CAMTA1: variants seen among roughly 807,000 people sequenced by gnomAD.
The protein encoded by CAMTA1 is calmodulin binding transcription activator 1.
In CAMTA1, 27 loss-of-function variants were observed where a neutral mutation model predicts 170.9. That is an observed-to-expected ratio of 0.16 (90% CI 0.12 to 0.22). The LOEUF is 0.22. Among genes scored for constraint, CAMTA1 ranks in the 10% least tolerant of loss-of-function variants. The probability of loss-of-function intolerance (pLI) is 1.00; values close to 1 mark genes in which losing one functional copy is unlikely to be tolerated. For missense variants in CAMTA1, 1,619 were observed against 2,217.2 expected, an observed-to-expected ratio of 0.73 and a Z score of 5.42; for synonymous variants, 833 against 891.5, an observed-to-expected ratio of 0.93 and a Z score of 1.17.
chr1:6,983,326 C>G (rs890282353), intron 3 of CAMTA1, among the ~76,000 whole-genome samples: 4 of 152,188 alleles, frequency 2.6e-5, no homozygotes, highest in Non-Finnish European at 4.4e-5. Context: ...CTTCCCTCCA[C>G]TACGTTCCAG....
chr1:7,404,342 TCCAACAC>T (rs2090135061), intron 5 of CAMTA1, among the ~76,000 whole-genome samples: 1 of 152,216 alleles, frequency 6.6e-6, no homozygotes, highest in African/African-American at 2.4e-5. Flanking sequence ...AAAAGCCTCC[TCCAACAC>T]CCAACACCCT....
intron 5 of CAMTA1, among the ~76,000 whole-genome samples, chr1:7,270,606 A>G (rs1669660810): frequency 6.6e-6 from 1 of 152,156 alleles, no homozygotes; most frequent in African/African-American, 2.4e-5. Flanking sequence ...TACAAGATAT[A>G]TTAAAGGAAG....
rs1394842036 is a variant in CAMTA1, at chr1:7,144,361, C to A, written c.302+52990C>A. 6.6e-6 allele frequency among the ~76,000 whole-genome samples: 1 copy of A among 152,140 alleles called. No homozygotes were observed. The highest frequency in any genetic ancestry group is 1.5e-5 in the Non-Finnish European group (1 of 68,028). On this transcript the variant is annotated intron_variant, in intron 4 of 22. Transcript: ENST00000303635. The surrounding 1 kb of genome is among the most constrained non-coding windows in gnomAD (Gnocchi z 4.0). ...TCTTTTCGTTCTAAGGCCACCAATT[C>A]TATTGGATACAGACCCTATCTGACC...
intron 6 of CAMTA1, among the ~76,000 whole-genome samples, chr1:7,622,084 C>G (rs2095602603): frequency 6.6e-6 from 1 of 152,122 alleles, no homozygotes; most frequent in South Asian, 2.1e-4. Context: ...TGTTCATGAC[C>G]CTGGAGGTAT....
intron 16 of CAMTA1, 65 bp from the exon 17 acceptor site, chr1:7,744,770 G>T: frequency 7.0e-7 from 1 of 1,431,670 alleles, no homozygotes; most frequent in Non-Finnish European, 9.6e-7. Flanking sequence ...GAGGCAGGGA[G>T]GTAGACCTGG....
intron 5 of CAMTA1, among the ~76,000 whole-genome samples, chr1:7,366,693 CAT>C (rs2085993705): frequency 6.6e-6 from 1 of 152,236 alleles, no homozygotes; most frequent in Admixed American, 6.5e-5. Context: ...CCTCGGTGCA[CAT>C]GTCTGAAGTG....
intron 7 of CAMTA1, among the ~76,000 whole-genome samples, chr1:7,655,467 A>G (rs2095890419): frequency 1.6e-5 from 2 of 125,268 alleles, no homozygotes; most frequent in African/African-American, 3.4e-5. Flanking sequence ...ACACAAACAC[A>G]CCCACCTATA....
chr1:6,992,382 C>A (rs1271405634), intron 3 of CAMTA1, among the ~76,000 whole-genome samples: 1 of 152,178 alleles, frequency 6.6e-6, no homozygotes, highest in South Asian at 2.1e-4. Context: ...TGAAGTTTAT[C>A]ACTTTTTTCC....
At chr1:6,845,363 C>T (rs535122463) in intron 3 of CAMTA1, among the ~76,000 whole-genome samples, 17 of 152,296 alleles carry the variant, frequency 1.1e-4, no homozygotes, top group Admixed American at 8.5e-4. Flanking sequence ...CTAACTACCT[C>T]GGCCCTCAGG....
intron 2 of CAMTA1, among the ~76,000 whole-genome samples, chr1:6,824,018 A>G (rs1646827391): frequency 6.6e-6 from 1 of 152,194 alleles, no homozygotes; most frequent in South Asian, 2.1e-4. Context: ...AAGTAGCAGA[A>G]CTGGGCCAGA....
chr1:6,808,062 A>G (rs1644729196), intron 1 of CAMTA1, among the ~76,000 whole-genome samples: 1 of 151,718 alleles, frequency 6.6e-6, no homozygotes, highest in Non-Finnish European at 1.5e-5. Context: ...AGCAGAGGAA[A>G]TGGAACAGAG....
chr1:7,241,974 T>C (rs1205147959), intron 4 of CAMTA1, among the ~76,000 whole-genome samples: 1 of 148,852 alleles, frequency 6.7e-6, no homozygotes, highest in Non-Finnish European at 1.5e-5. Flanking sequence ...AAATTTTTAC[T>C]CTTTTAAAGA....
Position 7,635,959 on chromosome 1 carries a change from G to T in CAMTA1, c.511-4441G>T, listed in dbSNP as rs570736104. On this transcript the variant is annotated intron_variant, in intron 6 of 22. Coordinates refer to ENST00000303635, the MANE Select transcript of CAMTA1 (RefSeq NM_015215.4). This position sits in a 1 kb window ranked among gnomAD's most constrained non-coding sequence, Gnocchi z 4.4. ...AAAACCAGCCCCACGCCAGGAAATC[G>T]TTACTACTCAACTCTGGGCATTCCA... Among the ~76,000 whole-genome samples, 4 of 152,248 alleles carry T rather than the reference G, an allele frequency of 2.6e-5. No homozygotes were observed. The East Asian group carries it at 7.7e-4, about 29-fold the overall frequency.
intron 3 of CAMTA1, among the ~76,000 whole-genome samples, chr1:6,949,428 A>G (rs1261547869): frequency 6.6e-6 from 1 of 152,228 alleles, no homozygotes; most frequent in East Asian, 1.9e-4. Context: ...TGTGGGTGAG[A>G]ATCTCTGCAA....
chr1:7,089,876 A>C (rs1641255082), intron 3 of CAMTA1, among the ~76,000 whole-genome samples: 1 of 152,216 alleles, frequency 6.6e-6, no homozygotes, highest in South Asian at 2.1e-4. Context: ...GACCTCAGGG[A>C]AAGATTTTTC....
chr1:6,831,178 T>A (rs1295101524), intron 3 of CAMTA1, among the ~76,000 whole-genome samples: 1 of 152,184 alleles, frequency 6.6e-6, no homozygotes, highest in Non-Finnish European at 1.5e-5. Flanking sequence ...AAAAACTATA[T>A]TAAAAATAGA....
In CAMTA1 at chr1:7,673,976, C is replaced by T. The variant is rs905405063; in HGVS notation, c.2779+2939C>T. Among the ~76,000 whole-genome samples the T allele has an allele frequency of 1.2e-4, 18 of 152,204 alleles. No homozygotes were observed. In the South Asian group the frequency reaches 2.3e-3, roughly 19 times the overall value. On this transcript the variant is annotated intron_variant, in intron 10 of 22. Transcript: ENST00000303635. The surrounding 1 kb of genome is among the most constrained non-coding windows in gnomAD (Gnocchi z 4.6). Reference sequence around the variant, plus strand: ...AAATGAATCACTGCTCCGGAGATGACGCTGGCTGCTTGGGGACCTCATCTT... The same window carrying T: ...AAATGAATCACTGCTCCGGAGATGATGCTGGCTGCTTGGGGACCTCATCTT...
At chr1:6,809,703 C>T (rs1231219846) in intron 1 of CAMTA1, among the ~76,000 whole-genome samples, 1 of 152,038 alleles carries the variant, frequency 6.6e-6, no homozygotes, top group Non-Finnish European at 1.5e-5. Context: ...GTGATGAATG[C>T]TTACATTTTA....
intron 3 of CAMTA1, chr1:6,871,860 AT>A: frequency 2.1e-6 from 3 of 1,458,692 alleles, no homozygotes; most frequent in Non-Finnish European, 2.7e-6. Flanking sequence ...TCATTTTTTA[AT>A]TTAATTTCAT....
Sources: allele counts gnomAD v4.1 joint callset (sites outside exome capture counted in the v4.1 genomes callset), GRCh38; gene constraint gnomAD v4.1.1; non-coding constraint Gnocchi (gnomAD v3.1); transcripts MANE v1.5; gene names NCBI Gene and HGNC (gene_info 2026-07-23, HGNC 2026-07-21).